The following PDE1A variants were observed in gnomAD, a reference collection of about 807,000 sequenced individuals.
PDE1A encodes dual specificity calcium/calmodulin-dependent 3',5'-cyclic nucleotide phosphodiesterase 1A.
A neutral mutation model predicts 61.7 loss-of-function variants in PDE1A; 35 were observed. The observed-to-expected ratio is 0.57, with a 90% CI of 0.43 to 0.75. PDE1A has a LOEUF of 0.75. Among genes scored for constraint, PDE1A ranks in the 30% least tolerant of loss-of-function variants. The probability of loss-of-function intolerance (pLI) is 0.00; values close to 1 mark genes in which losing one functional copy is unlikely to be tolerated. For missense variants in PDE1A, 597 were observed against 630.6 expected (o/e 0.95, Z 0.57); for synonymous variants, 232 against 213.2 (o/e 1.09, Z -0.77).
the PDE1A span, among the ~76,000 whole-genome samples, chr2:182,648,342 G>A: frequency 6.6e-6 from 1 of 151,494 alleles, no homozygotes; most frequent in Non-Finnish European, 1.5e-5. Flanking sequence ...AAACATTAAG[G>A]CCTCACAGTT....
At chr2:182,614,010 A>G in the PDE1A span, among the ~76,000 whole-genome samples, 2 of 152,244 alleles carry the variant, frequency 1.3e-5, no homozygotes, top group Non-Finnish European at 2.9e-5. Context: ...GGGTGGAGGT[A>G]TCCTATCTGA....
intron 1 of PDE1A, among the ~76,000 whole-genome samples, chr2:182,345,066 C>G (rs1698439841): frequency 6.6e-6 from 1 of 152,132 alleles, no homozygotes; most frequent in Admixed American, 6.5e-5. Flanking sequence ...AATGGGATGA[C>G]TATTTTCAAG....
chr2:182,694,833 G>GT, the PDE1A span, among the ~76,000 whole-genome samples: 1 of 101,820 alleles, frequency 9.8e-6, no homozygotes, highest in Non-Finnish European at 2.4e-5. Flanking sequence ...GGTGGGGGGG[G>GT]GGCAACAGTT....
the PDE1A span, among the ~76,000 whole-genome samples, chr2:182,608,421 G>A: frequency 4.6e-5 from 7 of 152,216 alleles, no homozygotes; most frequent in Non-Finnish European, 1.0e-4. Flanking sequence ...GCTGGCCAAG[G>A]CCCAAGCCGG....
In PDE1A at chr2:182,296,741, T is replaced by A. The variant is rs201710516; in HGVS notation, c.54-32327A>T. On this transcript the variant is annotated intron_variant, in intron 1 of 13. Transcript: ENST00000351439. ...GCTCAGATAAAACATTATTTCTGGG[T>A]GTGCTGTGAGTGTTTCCCAATTAGA... 3.9e-5 allele frequency among the ~76,000 whole-genome samples: 6 copies of A among 152,314 alleles called. No individual in the cohort carries two copies. The South Asian group carries it at 6.2e-4, about 16-fold the overall frequency.
chr2:182,441,802 A>C (rs1684814520), intron 2 of PDE1A, among the ~76,000 whole-genome samples: 1 of 152,124 alleles, frequency 6.6e-6, no homozygotes, highest in Non-Finnish European at 1.5e-5. Context: ...AAGAGGCTTC[A>C]TTGATCAAAT....
At chr2:182,516,783 A>AAAAG (rs59696946) in intron 2 of PDE1A, among the ~76,000 whole-genome samples, 2 of 135,140 alleles carry the variant, frequency 1.5e-5, no homozygotes, top group African/African-American at 5.5e-5. Context: ...GAAAGAAAGA[A>AAAAG]AAAGAAAGAA....
chr2:182,220,096 A>AGAT, intron 7 of PDE1A, among the ~76,000 whole-genome samples: 1 of 152,210 alleles, frequency 6.6e-6, no homozygotes, highest in East Asian at 1.9e-4. Flanking sequence ...ACTATCATAA[A>AGAT]GATGAAATAA....
intron 13 of PDE1A, among the ~76,000 whole-genome samples, chr2:182,179,717 C>G (rs1684591174): frequency 6.6e-6 from 1 of 152,132 alleles, no homozygotes; most frequent in African/African-American, 2.4e-5. Context: ...CTCTCTCTTT[C>G]TTCCCTGCCT....
the PDE1A span, among the ~76,000 whole-genome samples, chr2:182,545,879 A>C: frequency 1.4e-4 from 21 of 152,290 alleles, no homozygotes; most frequent in Non-Finnish European, 2.5e-4. Context: ...TGTTAGTATA[A>C]TTACATAATG....
At chr2:182,621,257 G>A in the PDE1A span, among the ~76,000 whole-genome samples, 1 of 152,262 alleles carries the variant, frequency 6.6e-6, no homozygotes, top group South Asian at 2.1e-4. Flanking sequence ...CCTTCTCTCT[G>A]TGACTCAGAA....
At chr2:182,367,106 T>A (rs1699876635) in intron 1 of PDE1A, among the ~76,000 whole-genome samples, 1 of 152,096 alleles carries the variant, frequency 6.6e-6, no homozygotes, top group Admixed American at 6.6e-5. Flanking sequence ...GTCAAAAATA[T>A]TAAATGGTTT....
intron 1 of PDE1A, among the ~76,000 whole-genome samples, chr2:182,295,113 G>A (rs1277704631): frequency 8.8e-6 from 1 of 113,770 alleles, no homozygotes; most frequent in African/African-American, 3.4e-5. Flanking sequence ...TGTCGCCCAG[G>A]CCAGACTGCG....
At chr2:182,657,586 G>A in the PDE1A span, among the ~76,000 whole-genome samples, 3 of 152,078 alleles carry the variant, frequency 2.0e-5, no homozygotes, top group Non-Finnish European at 4.4e-5. Flanking sequence ...ACGGTCTTAA[G>A]CTGTAGAGCT....
chr2:182,205,254 T>C (rs1000014123), intron 8 of PDE1A, among the ~76,000 whole-genome samples: 1 of 152,178 alleles, frequency 6.6e-6, no homozygotes, highest in Non-Finnish European at 1.5e-5. Flanking sequence ...TTAATGAAGT[T>C]CATATTTAAT....
the PDE1A span, among the ~76,000 whole-genome samples, chr2:182,699,941 C>A: frequency 6.6e-6 from 1 of 152,166 alleles, no homozygotes. Flanking sequence ...TTCCTGTAAT[C>A]ACTGCTCTTG....
At chr2:182,670,454 A>G in the PDE1A span, among the ~76,000 whole-genome samples, 2 of 152,144 alleles carry the variant, frequency 1.3e-5, no homozygotes, top group Non-Finnish European at 2.9e-5. Flanking sequence ...AGCTATTCTC[A>G]TGTGCAGTCA....
chr2:182,397,546 GA>G (rs1214049130), intron 1 of PDE1A, among the ~76,000 whole-genome samples: 1 of 152,074 alleles, frequency 6.6e-6, no homozygotes, highest in African/African-American at 2.4e-5. Context: ...TCAGACATGA[GA>G]AAAAATTCTG....
At chr2:182,258,556 G>GTTATAATTCATATCTCTAAATGGCA (rs1691995770) in intron 2 of PDE1A, among the ~76,000 whole-genome samples, 1 of 152,190 alleles carries the variant, frequency 6.6e-6, no homozygotes, top group Non-Finnish European at 1.5e-5. Flanking sequence ...AGACCCTTGA[G>GTTATAATTCATATCTCTAAATGGCA]TTATAATTCA....
Sources: gnomAD v4.1 joint callset for allele counts (sites outside exome capture counted in the v4.1 genomes callset) on GRCh38, gnomAD v4.1.1 for gene constraint, MANE v1.5 for transcripts, NCBI Gene and HGNC (gene_info 2026-07-23, HGNC 2026-07-21) for gene names.